The following LY6L variants were observed in gnomAD, a reference collection of about 807,000 sequenced individuals.
LY6L encodes the protein lymphocyte antigen 6L.
A neutral mutation model predicts 8.3 loss-of-function variants in LY6L; 8 were observed. The ratio of observed to expected loss-of-function variants is 0.97; its 90% CI spans 0.57 to 1.74. The LOEUF (loss-of-function observed/expected upper bound fraction) is 1.74, where lower values mean the gene tolerates loss of function less well. Among genes scored for constraint, LY6L ranks in the 40% most tolerant of loss-of-function variants. The probability of loss-of-function intolerance (pLI) is 0.00; values close to 1 mark genes in which losing one functional copy is unlikely to be tolerated. For missense variants in LY6L, 156 were observed against 183.8 expected (o/e 0.85, Z 0.87); for synonymous variants, 79 against 77.9 (o/e 1.01, Z -0.07).
intron 1 of LY6L, 100 bp from the exon 2 acceptor site, chr8:143,080,936 T>TG (rs1220982210): frequency 7.2e-6 from 6 of 830,280 alleles, no homozygotes; most frequent in African/African-American, 3.6e-5. Context: ...TAGTGTGGGA[T>TG]GGGGGGTGCG....
At chr8:143,080,968 G>T in intron 1 of LY6L, 68 bp from the exon 2 acceptor site, 3 of 1,196,994 alleles carry the variant, frequency 2.5e-6, no homozygotes, top group Non-Finnish European at 3.5e-6. Context: ...GCCCCGTCCG[G>T]GAGCAGGAAG....
chr8:143,082,743 TGG>T lies in LY6L; in HGVS notation c.*99_*100del. On this transcript the variant is annotated 3_prime_UTR_variant, in exon 4 of 4. Transcript: ENST00000562505. ...CCTGCCTCCGCCCCTTCCAGGACAC[TGG>T]GGGGGGACCCTCCCTCTCTGAGGTG... 9.6e-7 allele frequency: 1 copy of T among 1,043,642 alleles called. No individual in the cohort carries two copies. The highest frequency in any genetic ancestry group is 1.3e-6 in the Non-Finnish European group (1 of 754,078). The allele number at this position is 1,043,642 out of a possible 1,614,324, so 64.6% of individuals were successfully genotyped here.
intron 3 of LY6L, 77 bp from the exon 4 acceptor site, chr8:143,082,348 T>A (rs892742811): frequency 1.8e-6 from 2 of 1,083,514 alleles, no homozygotes; most frequent in Non-Finnish European, 2.7e-6. Context: ...TTGGAAAGCA[T>A]CCTTGCACTT....
chr8:143,081,390 C>T, intron 3 of LY6L, 63 bp downstream of exon 3: 3 of 1,092,530 alleles, frequency 2.7e-6, no homozygotes, highest in Non-Finnish European at 3.8e-6. Context: ...GCCCCCGCCT[C>T]TCAGCGACTT....
Position 143,080,664 on chromosome 8 carries a change from T to C in LY6L, c.-19+5T>C, listed in dbSNP as rs1820410186. The C allele has an allele frequency of 5.3e-6, 1 of 188,644 alleles. No homozygotes were observed. Among genetic ancestry groups the C allele is most frequent in the East Asian group, 1.4e-4 (1 of 7,228 alleles). 11.7% of individuals were successfully genotyped at this position (188,644 alleles called of 1,614,324 possible). The stretch of plus-strand genomic sequence containing the variant: ...TGCAGCCCGGCAGGAGAGAAGGTGC[T>C]GGGAGAGGGGTCCGGACTGTGGGCC... On this transcript the variant is annotated splice_donor_5th_base_variant and intron_variant, in intron 1 of 3. Coordinates refer to ENST00000562505, the MANE Select transcript of LY6L (RefSeq NM_001368160.2).
At chr8:143,080,906 C>T (rs1336121077) in intron 1 of LY6L, 130 bp from the exon 2 acceptor site, 2 of 655,522 alleles carry the variant, frequency 3.1e-6, no homozygotes, top group East Asian at 3.0e-5. Flanking sequence ...GGTGAAGCCG[C>T]GTCCGGGAGC....
chr8:143,081,716 G>A (rs1820434121), intron 3 of LY6L, among the ~76,000 whole-genome samples: 1 of 152,172 alleles, frequency 6.6e-6, no homozygotes, highest in African/African-American at 2.4e-5. Flanking sequence ...TCGATACAGT[G>A]TATGACAATG....
intron 3 of LY6L, among the ~76,000 whole-genome samples, chr8:143,081,722 C>T (rs2130540869): frequency 6.6e-6 from 1 of 152,276 alleles, no homozygotes; most frequent in East Asian, 1.9e-4. Context: ...CAGTGTATGA[C>T]AATGTCATAT....
chr8:143,082,535 C>CCCAAG lies in LY6L; in HGVS notation c.301_302insCCAAG (p.Arg101ProfsTer14). Reference sequence around the variant, plus strand: ...CATGGTGCAAGGCGTGATCACCAGGCGCTGCTGTTCCTGGGCTCTCTGCAA... The same window carrying CCCAAG: ...CATGGTGCAAGGCGTGATCACCAGGCCCAAGGCTGCTGTTCCTGGGCTCTCTGCAA... On this transcript the variant is annotated frameshift_variant, in exon 4 of 4. Coordinates refer to ENST00000562505, the MANE Select transcript of LY6L (RefSeq NM_001368160.2). LOFTEE classifies it low-confidence loss of function (END_TRUNC). 1 of 1,535,388 alleles carries CCCAAG rather than the reference C, an allele frequency of 6.5e-7. No individual in the cohort carries two copies. Among genetic ancestry groups the CCCAAG allele is most frequent in the Non-Finnish European group, 8.7e-7 (1 of 1,146,646 alleles).
chr8:143,082,743 T>TG lies in LY6L; in HGVS notation c.*100dup, dbSNP rs913700619. 662 of 1,042,204 alleles carry TG rather than the reference T, an allele frequency of 6.4e-4. No homozygotes were observed. The highest frequency in any genetic ancestry group is 1.4e-3 in the South Asian group (75 of 53,118). The allele number at this position is 1,042,204 out of a possible 1,614,324, so 64.6% of individuals were successfully genotyped here. ...CCTGCCTCCGCCCCTTCCAGGACAC[T>TG]GGGGGGGGACCCTCCCTCTCTGAGG... On this transcript the variant is annotated 3_prime_UTR_variant, in exon 4 of 4. Transcript: ENST00000562505.
intron 1 of LY6L, among the ~76,000 whole-genome samples, 175 bp downstream of exon 1, chr8:143,080,834 G>A (rs2130539711): frequency 6.6e-6 from 1 of 152,180 alleles, no homozygotes; most frequent in African/African-American, 2.4e-5. Context: ...CCTGGGGGTG[G>A]GGGTTGCCCT....
In LY6L at chr8:143,082,824, A is replaced by G; in HGVS notation, c.*173A>G. On this transcript the variant is annotated 3_prime_UTR_variant, in exon 4 of 4. Transcript: ENST00000562505. The stretch of plus-strand genomic sequence containing the variant: ...GGATCTAGCCACCTCACTCCTCCCC[A>G]CCGGGGGCCCCTTTGCTGGAGAACC... 3.5e-6 allele frequency: 2 copies of G among 564,704 alleles called. No homozygotes were observed. The highest frequency in any genetic ancestry group is 3.0e-5 in the East Asian group (1 of 32,812). 35.0% of individuals were successfully genotyped at this position (564,704 alleles called of 1,614,324 possible). A position where few individuals can be genotyped will look rare whatever the true frequency, so the allele number is the denominator to read the frequency against.
rs147105397 is a variant in LY6L at position 143,082,827 on chromosome 8, G to A, written c.*176G>A. The A allele has an allele frequency of 7.0e-5, 39 of 558,836 alleles. No individual in the cohort carries two copies. In the East Asian group the frequency reaches 7.3e-4, roughly 10 times the overall value. 34.6% of individuals were successfully genotyped at this position (558,836 alleles called of 1,614,324 possible). A position where few individuals can be genotyped will look rare whatever the true frequency, so the allele number is the denominator to read the frequency against. On this transcript the variant is annotated 3_prime_UTR_variant, in exon 4 of 4. Transcript: ENST00000562505. ...TCTAGCCACCTCACTCCTCCCCACC[G>A]GGGGCCCCTTTGCTGGAGAACCCCA...
intron 3 of LY6L, among the ~76,000 whole-genome samples, chr8:143,081,786 G>C (rs923733880): frequency 6.6e-6 from 1 of 152,122 alleles, no homozygotes; most frequent in African/African-American, 2.4e-5. Flanking sequence ...AATATAATAC[G>C]ATGTAATATA....
Position 143,083,101 on chromosome 8 carries a change from C to G in LY6L, c.*450C>G, listed in dbSNP as rs2130543142. The G allele has an allele frequency of 5.3e-6, 1 of 187,668 alleles. No individual in the cohort carries two copies. The highest frequency in any genetic ancestry group is 8.5e-5 in the South Asian group (1 of 11,758). The allele number at this position is 187,668 out of a possible 1,614,324, so 11.6% of individuals were successfully genotyped here. A position where few individuals can be genotyped will look rare whatever the true frequency, so the allele number is the denominator to read the frequency against. ...GTGTGGGTGATGGGAAGGACGGTAC[C>G]TCCGGTGTGGGTGACGGGAAGAATG... On this transcript the variant is annotated 3_prime_UTR_variant, in exon 4 of 4. Transcript: ENST00000562505.
intron 2 of LY6L, 30 bp downstream of exon 2, chr8:143,081,156 CG>C: frequency 6.5e-7 from 1 of 1,531,796 alleles, no homozygotes; most frequent in Non-Finnish European, 8.7e-7. Flanking sequence ...GGGCTGGGGG[CG>C]TCGGGGCTGG....
Position 143,081,140 on chromosome 8 carries a change from C to CGGGCT in LY6L, c.73+23_73+27dup. On this transcript the variant is annotated intron_variant, in intron 2 of 3. Transcript: ENST00000562505. ...CCACGACGCCAGGTAAGGCGCGGCCCGGGCTGGGCTGGGGGCGTCGGGGCT... is the reference window on the plus strand; with the variant it reads ...CCACGACGCCAGGTAAGGCGCGGCCCGGGCTGGGCTGGGCTGGGGGCGTCGGGGCT... 2 of 1,533,698 alleles carry CGGGCT rather than the reference C, an allele frequency of 1.3e-6. No homozygotes were observed. Among genetic ancestry groups the CGGGCT allele is most frequent in the Non-Finnish European group, 1.7e-6 (2 of 1,145,592 alleles).
In LY6L at chr8:143,082,468, A is replaced by G. The variant is rs1438351749; in HGVS notation, c.234A>G (p.Arg78=). 1 of 1,535,352 alleles carries G rather than the reference A, an allele frequency of 6.5e-7. No individual in the cohort carries two copies. Among genetic ancestry groups the G allele is most frequent in the East Asian group, 2.4e-5 (1 of 40,926 alleles). The part of the protein sequence containing the change: ...RVLLSKRCAP[R]CPNDNMKFEW... The stretch of plus-strand genomic sequence containing the variant: ...TGCTCAGCAAACGCTGTGCTCCCAG[A>G]TGTCCCAACGACAACATGAAGTTCG... Residue 78 remains arginine (R), a synonymous_variant, in exon 4 of 4, where the codon AGA becomes AGG. Coordinates refer to ENST00000562505, the MANE Select transcript of LY6L (RefSeq NM_001368160.2).
Position 143,082,844 on chromosome 8 carries a change from A to T in LY6L, c.*193A>T. On this transcript the variant is annotated 3_prime_UTR_variant, in exon 4 of 4. Transcript: ENST00000562505. ...TCCCCACCGGGGGCCCCTTTGCTGGAGAACCCCAAGGATTCAGCAACTGCT... is the reference window on the plus strand; with the variant it reads ...TCCCCACCGGGGGCCCCTTTGCTGGTGAACCCCAAGGATTCAGCAACTGCT... 1.9e-6 allele frequency: 1 copy of T among 534,920 alleles called. No homozygotes were observed. The highest frequency in any genetic ancestry group is 3.3e-6 in the Non-Finnish European group (1 of 304,996). 33.1% of individuals were successfully genotyped at this position (534,920 alleles called of 1,614,324 possible).
Sources: allele counts gnomAD v4.1 joint callset (sites outside exome capture counted in the v4.1 genomes callset), GRCh38; gene constraint gnomAD v4.1.1; transcripts MANE v1.5; gene names NCBI Gene and HGNC (gene_info 2026-07-23, HGNC 2026-07-21).